KCNU1: variants seen among roughly 807,000 people sequenced by gnomAD.
KCNU1 encodes potassium calcium-activated channel subfamily U member 1.
In KCNU1, 93 loss-of-function variants were observed where a neutral mutation model predicts 126.8. That is an observed-to-expected ratio of 0.73 (90% CI 0.62 to 0.87). The LOEUF (loss-of-function observed/expected upper bound fraction) is 0.87. Among genes scored for constraint, KCNU1 ranks in the 40% least tolerant of loss-of-function variants. The pLI is 0.00. For synonymous variants in KCNU1, 523 were observed against 494.2 expected, an observed-to-expected ratio of 1.06 and a Z score of -0.77; for missense variants, 1,330 against 1,367.1, an observed-to-expected ratio of 0.97 and a Z score of 0.43.
chr8:36,885,376 G>A (rs947023523), intron 19 of KCNU1, among the ~76,000 whole-genome samples: 1 of 151,984 alleles, frequency 6.6e-6, no homozygotes, highest in African/African-American at 2.4e-5. Flanking sequence ...CCAACATGAT[G>A]AAACCCCGTC....
At chr8:36,874,298 A>T (rs954725371) in intron 19 of KCNU1, among the ~76,000 whole-genome samples, 16 of 152,304 alleles carry the variant, frequency 1.1e-4, no homozygotes, top group African/African-American at 3.8e-4. Context: ...AAACATGTGG[A>T]AATCATTTTT....
At chr8:36,922,340 A>C (rs1383692427) in intron 23 of KCNU1, 150 bp from the exon 24 acceptor site, 1 of 705,744 alleles carries the variant, frequency 1.4e-6, no homozygotes, top group South Asian at 2.3e-5. Context: ...GAAAAAAAAA[A>C]TGTACTGAAA....
intron 20 of KCNU1, among the ~76,000 whole-genome samples, chr8:36,907,781 G>A (rs906345149): frequency 7.2e-5 from 11 of 152,206 alleles, no homozygotes; most frequent in African/African-American, 2.4e-4. Context: ...GAAGTATTCT[G>A]AGTCTTTGTG....
intron 19 of KCNU1, among the ~76,000 whole-genome samples, chr8:36,886,345 G>T (rs961082088): frequency 1.3e-5 from 2 of 152,094 alleles, no homozygotes; most frequent in Non-Finnish European, 2.9e-5. Context: ...TGCAAAGAAT[G>T]CAAAAAGCCA....
intron 26 of KCNU1, 81 bp from the exon 27 acceptor site, chr8:36,935,434 G>T: frequency 8.9e-7 from 1 of 1,118,952 alleles, no homozygotes; most frequent in South Asian, 1.6e-5. Context: ...CCAGCAAAAT[G>T]ACCTCTTTAT....
intron 24 of KCNU1, among the ~76,000 whole-genome samples, chr8:36,925,979 G>C (rs911268809): frequency 6.6e-6 from 1 of 152,006 alleles, no homozygotes; most frequent in African/African-American, 2.4e-5. Flanking sequence ...CACAGTTCTC[G>C]TCCCCCAGAT....
intron 10 of KCNU1, among the ~76,000 whole-genome samples, chr8:36,821,983 A>T (rs1190023043): frequency 1.3e-5 from 2 of 152,270 alleles, no homozygotes; most frequent in East Asian, 3.9e-4. Flanking sequence ...TTTTCAACTT[A>T]TGATGGGTTT....
chr8:36,889,408 G>A (rs1806865094), intron 19 of KCNU1: 2 of 349,146 alleles, frequency 5.7e-6, no homozygotes, highest in Middle Eastern at 7.5e-4. Flanking sequence ...TGAGACTGAT[G>A]TCATCTTGAG....
At chr8:36,856,595 AT>A (rs35119619) in intron 18 of KCNU1, among the ~76,000 whole-genome samples, 60,882 of 151,990 alleles carry the variant, frequency 0.4, 12,313 homozygotes, top group Admixed American at 0.45. Context: ...AGCAGGGCTC[AT>A]TTTAATGGTC....
chr8:36,851,012 A>G (rs1428227414), intron 18 of KCNU1, among the ~76,000 whole-genome samples: 1 of 152,212 alleles, frequency 6.6e-6, no homozygotes, highest in African/African-American at 2.4e-5. Context: ...ACTGGGAACA[A>G]TAAGTCCTCC....
intron 2 of KCNU1, among the ~76,000 whole-genome samples, chr8:36,791,768 A>G (rs137963727): frequency 7.2e-5 from 11 of 152,288 alleles, no homozygotes; most frequent in Admixed American, 1.3e-4. Context: ...AAAAAAAATG[A>G]GAAAAACATA....
At chr8:36,934,755 T>G (rs1275518224) in intron 26 of KCNU1, among the ~76,000 whole-genome samples, 2 of 152,038 alleles carry the variant, frequency 1.3e-5, no homozygotes, top group Non-Finnish European at 2.9e-5. Flanking sequence ...AGTGAGGCAA[T>G]GCAGGATGAA....
intron 19 of KCNU1, among the ~76,000 whole-genome samples, chr8:36,865,492 A>G (rs1805872382): frequency 6.6e-6 from 1 of 151,954 alleles, no homozygotes; most frequent in Non-Finnish European, 1.5e-5. Context: ...AGGGCTGGGC[A>G]TAGCAGCTCA....
At chr8:36,796,266 T>G (rs1803094681) in intron 2 of KCNU1, among the ~76,000 whole-genome samples, 1 of 152,178 alleles carries the variant, frequency 6.6e-6, no homozygotes, top group Admixed American at 6.5e-5. Context: ...ATGTCAAAGC[T>G]TTTATGATTT....
intron 19 of KCNU1, among the ~76,000 whole-genome samples, chr8:36,865,186 C>T (rs957786285): frequency 2.0e-5 from 3 of 152,028 alleles, no homozygotes; most frequent in Non-Finnish European, 4.4e-5. Context: ...AGTCGTTATA[C>T]TGTGGCATTA....
chr8:36,852,569 A>G (rs1805388443), intron 18 of KCNU1, among the ~76,000 whole-genome samples: 1 of 152,216 alleles, frequency 6.6e-6, no homozygotes, highest in East Asian at 1.9e-4. Flanking sequence ...ACTTCTTCCT[A>G]AGACAGTTTT....
chr8:36,792,257 A>G (rs751870865), intron 2 of KCNU1, among the ~76,000 whole-genome samples: 2 of 152,180 alleles, frequency 1.3e-5, no homozygotes, highest in Non-Finnish European at 2.9e-5. Flanking sequence ...TATTTTATTT[A>G]GGTGTTCAGG....
intron 9 of KCNU1, among the ~76,000 whole-genome samples, 182 bp from the exon 10 acceptor site, chr8:36,817,468 C>T (rs796069427): frequency 2.6e-4 from 35 of 132,312 alleles, no homozygotes; most frequent in African/African-American, 5.3e-4. Context: ...CATTGCACTC[C>T]AGCCTGGGCA....
intron 14 of KCNU1, among the ~76,000 whole-genome samples, chr8:36,838,524 C>G (rs574043147): frequency 6.6e-6 from 1 of 152,082 alleles, no homozygotes; most frequent in African/African-American, 2.4e-5. Flanking sequence ...AACCCTGTCT[C>G]TAGTAAAAAT....
Sources: allele counts gnomAD v4.1 joint callset (sites outside exome capture counted in the v4.1 genomes callset), GRCh38; gene constraint gnomAD v4.1.1; transcripts MANE v1.5; gene names NCBI Gene and HGNC (gene_info 2026-07-23, HGNC 2026-07-21).